NDRG4: variants seen among roughly 807,000 people sequenced by gnomAD.
The protein encoded by NDRG4 is NDRG family member 4, also known as protein NDRG4.
A neutral mutation model predicts 55.8 loss-of-function variants in NDRG4; 38 were observed. That is an observed-to-expected ratio of 0.68 (90% CI 0.53 to 0.89). The LOEUF is 0.89. Ranked by LOEUF, NDRG4 falls within the 40% of genes least tolerant of loss-of-function variation. NDRG4 has a pLI of 0.00. For missense variants in NDRG4, 455 were observed against 468.6 expected (o/e 0.97, Z 0.27); for synonymous variants, 190 against 182.7 (o/e 1.04, Z -0.32).
At chr16:58,478,238 A>C (rs2033941371) in intron 1 of NDRG4, among the ~76,000 whole-genome samples, 1 of 151,946 alleles carries the variant, frequency 6.6e-6, no homozygotes, top group African/African-American at 2.4e-5. Context: ...AAAATTCAAA[A>C]CTTAGCCAGG....
intron 5 of NDRG4, among the ~76,000 whole-genome samples, chr16:58,505,346 C>T (rs2037771357): frequency 6.9e-6 from 1 of 145,684 alleles, no homozygotes; most frequent in Non-Finnish European, 1.5e-5. Context: ...GAGACTCTGT[C>T]TCAAAAAAAT....
chr16:58,482,821 CAG>C (rs1194316692), intron 1 of NDRG4, among the ~76,000 whole-genome samples: 1 of 148,846 alleles, frequency 6.7e-6, no homozygotes, highest in Non-Finnish European at 1.5e-5. Flanking sequence ...TTTCTTTTGA[CAG>C]AGTCTTGCTA....
rs16960197 is a variant in NDRG4, at chr16:58,507,565, C to T, written c.621-243C>T. 4.7e-3 allele frequency: 2,557 copies of T among 545,010 alleles called. 57 individuals carry two copies. The highest frequency in any genetic ancestry group is 0.044 in the African/African-American group (2,343 of 53,120). 33.8% of individuals were successfully genotyped at this position (545,010 alleles called of 1,614,324 possible). On this transcript the variant is annotated intron_variant, in intron 8 of 14. Transcript: ENST00000570248. Reference sequence around the variant, plus strand: ...TATGGTCCAGGAGACAGGCCAGTAGCAGAAACTCCCACAGCACAGGTGGCG... The same window carrying T: ...TATGGTCCAGGAGACAGGCCAGTAGTAGAAACTCCCACAGCACAGGTGGCG...
In NDRG4 at chr16:58,512,480, C is replaced by T; in HGVS notation, c.*904C>T. ...ACCCCTTTTTTGCCCCCAGGTTCCC[C>T]AGAGGGCAACGCCATCAGTAGCAGT... On this transcript the variant is annotated 3_prime_UTR_variant, in exon 15 of 15. Transcript: ENST00000570248. 4.0e-6 allele frequency: 1 copy of T among 249,132 alleles called. No homozygotes were observed. The highest frequency in any genetic ancestry group is 4.0e-5 in the South Asian group (1 of 24,778). 15.4% of individuals were successfully genotyped at this position (249,132 alleles called of 1,614,324 possible).
At chr16:58,487,703 T>G (rs1299367792) in intron 1 of NDRG4, 1 of 1,404,622 alleles carries the variant, frequency 7.1e-7, no homozygotes, top group East Asian at 2.6e-5. Flanking sequence ...GCTGTCCTTC[T>G]CCGCCCGGGC....
Position 58,504,355 on chromosome 16 carries a change from G to A in NDRG4, c.249-4G>A. Reference sequence around the variant, plus strand: ...TGGGCCCTGACCTCCTGCTCTGCCTGCAGGTACCAGTTCCCCTCCATGGAG... The same window carrying A: ...TGGGCCCTGACCTCCTGCTCTGCCTACAGGTACCAGTTCCCCTCCATGGAG... On this transcript the variant is annotated splice_region_variant and splice_polypyrimidine_tract_variant and intron_variant, in intron 3 of 14. Transcript: ENST00000570248. 6.2e-7 allele frequency: 1 copy of A among 1,613,660 alleles called. No homozygotes were observed. The highest frequency in any genetic ancestry group is 8.5e-7 in the Non-Finnish European group (1 of 1,180,020).
chr16:58,492,439 G>GC lies in NDRG4; in HGVS notation c.73-2520dup, dbSNP rs554613171. Among the ~76,000 whole-genome samples, 6 of 151,424 alleles carry GC rather than the reference G, an allele frequency of 4.0e-5. No homozygotes were observed. The East Asian group carries it at 1.2e-3, about 29-fold the overall frequency. On this transcript the variant is annotated intron_variant, in intron 2 of 15. Coordinates refer to the NDRG4 transcript ENST00000258187. ...CCTCCCACACCCTTCATCTCCTGGG[G>GC]CCCCCAGACCCAGAGAGCATACAGC...
chr16:58,508,879 C>T lies in NDRG4; in HGVS notation c.730-83C>T, dbSNP rs567870886. ...GCCTCCCTGCACCCCCTCTCCTCCC[C>T]GAGCTTGGGGCATCAAACCTGCCTT... On this transcript the variant is annotated intron_variant, in intron 10 of 14. Coordinates refer to ENST00000570248, the MANE Select transcript of NDRG4 (RefSeq NM_001242835.2). The T allele has an allele frequency of 3.5e-5, 52 of 1,504,642 alleles. No individual in the cohort carries two copies. The African/African-American group carries it at 3.8e-4, about 11-fold the overall frequency. 93.2% of individuals were successfully genotyped at this position (1,504,642 alleles called of 1,614,324 possible).
intron 10 of NDRG4, 110 bp downstream of exon 10, chr16:58,508,109 C>T (rs959518806): frequency 2.0e-6 from 2 of 983,166 alleles, no homozygotes; most frequent in Non-Finnish European, 3.0e-6. Context: ...GCCTCCAGGG[C>T]CAGCAGTGGA....
At position 58,464,359 on chromosome 16, in the gene NDRG4, T is replaced by C; in HGVS notation, c.-24+562T>C. 7.6e-7 allele frequency: 1 copy of C among 1,310,768 alleles called. No individual in the cohort carries two copies. The highest frequency in any genetic ancestry group is 3.1e-5 in the East Asian group (1 of 32,008). The allele number at this position is 1,310,768 out of a possible 1,614,324, so 81.2% of individuals were successfully genotyped here. On this transcript the variant is annotated intron_variant, in intron 1 of 15. Coordinates refer to the NDRG4 transcript ENST00000258187. This position sits in a 1 kb window ranked among gnomAD's most constrained non-coding sequence, Gnocchi z 4.8. ...CCGCTCCGCTCCGGGTCTCCCGCGC[T>C]CCTCTCCCCGGCTCGGCCGAGCGCG...
At position 58,469,400 on chromosome 16, in the gene NDRG4, C is replaced by T. The variant is rs549125309; in HGVS notation, c.-24+5603C>T. On this transcript the variant is annotated intron_variant, in intron 1 of 15. Transcript: ENST00000258187. ...GGGAGGGTGGGTGTGGGGAGAGGGG[C>T]GTGCTGTTCCTCTGGGTAGAGGATT... Among the ~76,000 whole-genome samples, 12 of 152,072 alleles carry T rather than the reference C, an allele frequency of 7.9e-5. No homozygotes were observed. The East Asian group carries it at 9.7e-4, about 12-fold the overall frequency.
chr16:58,490,999 G>A (rs1441708715), intron 2 of NDRG4, among the ~76,000 whole-genome samples: 2 of 146,490 alleles, frequency 1.4e-5, no homozygotes, highest in Non-Finnish European at 3.0e-5. Flanking sequence ...AAAGCCGGCC[G>A]GGCATGGTGG....
Position 58,464,824 on chromosome 16 carries a change from C to G in NDRG4, c.-24+1027C>G. 1 of 1,251,368 alleles carries G rather than the reference C, an allele frequency of 8.0e-7. No individual in the cohort carries two copies. Among genetic ancestry groups the G allele is most frequent in the Non-Finnish European group, 1.0e-6 (1 of 992,200 alleles). The allele number at this position is 1,251,368 out of a possible 1,614,324, so 77.5% of individuals were successfully genotyped here. A position where few individuals can be genotyped will look rare whatever the true frequency, so the allele number is the denominator to read the frequency against. ...AAGGACCCGTGGGCTTCTGGCAGGACCCGCGCCATGGACCTCTTATTTCTG... is the reference window on the plus strand; with the variant it reads ...AAGGACCCGTGGGCTTCTGGCAGGAGCCGCGCCATGGACCTCTTATTTCTG... On this transcript the variant is annotated intron_variant, in intron 1 of 15. Coordinates refer to the NDRG4 transcript ENST00000258187. This position sits in a 1 kb window ranked among gnomAD's most constrained non-coding sequence, Gnocchi z 4.8.
At chr16:58,487,785 G>A (rs759429725) in exon 2 of NDRG4, 1 of 1,543,632 alleles carries the variant, frequency 6.5e-7, no homozygotes, top group Non-Finnish European at 8.7e-7. Context: ...GACCATGGCC[G>A]GGCTGCAGGA....
chr16:58,475,638 C>G (rs911024950), intron 1 of NDRG4: 2 of 456,046 alleles, frequency 4.4e-6, no homozygotes, highest in Non-Finnish European at 8.8e-6. Flanking sequence ...ATTCCCAAAT[C>G]ATGGCTTCAT....
chr16:58,478,702 T>TTTTG (rs1555528545), intron 1 of NDRG4, among the ~76,000 whole-genome samples: 2 of 146,232 alleles, frequency 1.4e-5, no homozygotes, highest in East Asian at 3.9e-4. Context: ...TTTTTGTTTT[T>TTTTG]TTTTTTTGTA....
Position 58,464,404 on chromosome 16 carries a change from C to A in NDRG4, c.-24+607C>A. On this transcript the variant is annotated intron_variant, in intron 1 of 15. Coordinates refer to the NDRG4 transcript ENST00000258187. This position sits in a 1 kb window ranked among gnomAD's most constrained non-coding sequence, Gnocchi z 4.8. ...AGCGCGCTGCCCCGACGCCGCCACC[C>A]AGAGCCGGGCCGCGCCGGGCGCCGA... is the stretch of plus-strand genomic sequence containing the variant. The A allele has an allele frequency of 7.3e-7, 1 of 1,369,376 alleles. No homozygotes were observed. The highest frequency in any genetic ancestry group is 9.4e-7 in the Non-Finnish European group (1 of 1,064,322). The allele number at this position is 1,369,376 out of a possible 1,614,324, so 84.8% of individuals were successfully genotyped here. A position where few individuals can be genotyped will look rare whatever the true frequency, so the allele number is the denominator to read the frequency against.
At chr16:58,501,520 G>GGCCCTTGTGGGGCT (rs1567334284) in intron 1 of NDRG4, 1 of 161,296 alleles carries the variant, frequency 6.2e-6, no homozygotes, top group Non-Finnish European at 1.3e-5. Flanking sequence ...ACCGCGCTGT[G>GGCCCTTGTGGGGCT]GCCCTTGTGG....
intron 1 of NDRG4, among the ~76,000 whole-genome samples, chr16:58,467,449 G>T (rs1481993711): frequency 6.6e-6 from 1 of 152,160 alleles, no homozygotes; most frequent in African/African-American, 2.4e-5. Context: ...GGAGGTTGCA[G>T]TGGGCCAAGA....
Sources: gnomAD v4.1 joint callset for allele counts (sites outside exome capture counted in the v4.1 genomes callset) on GRCh38, gnomAD v4.1.1 for gene constraint, Gnocchi (gnomAD v3.1) non-coding constraint, MANE v1.5 for transcripts, NCBI Gene and HGNC (gene_info 2026-07-23, HGNC 2026-07-21) for gene names.